CTNND2: variants seen among roughly 807,000 people sequenced by gnomAD.
CTNND2 encodes the protein catenin delta-2.
A neutral mutation model predicts 144.4 loss-of-function variants in CTNND2; 22 were observed. The observed-to-expected ratio is 0.15, with a 90% CI of 0.11 to 0.22. The LOEUF (loss-of-function observed/expected upper bound fraction) is 0.22. Among genes scored for constraint, CTNND2 ranks in the 10% least tolerant of loss-of-function variants. The probability of loss-of-function intolerance (pLI) is 1.00; values close to 1 mark genes in which losing one functional copy is unlikely to be tolerated. For synonymous variants in CTNND2, 751 were observed against 695.6 expected (o/e 1.08, Z -1.25); for missense variants, 1,353 against 1,618.8 (o/e 0.84, Z 2.82).
intron 3 of CTNND2, among the ~76,000 whole-genome samples, chr5:11,473,955 T>C (rs183230371): frequency 1.3e-5 from 2 of 152,362 alleles, no homozygotes; most frequent in African/African-American, 4.8e-5. Context: ...CCGCATCATC[T>C]TGTGACCATG....
chr5:11,566,166 C>G (rs1581512973), intron 2 of CTNND2, among the ~76,000 whole-genome samples: 1 of 152,122 alleles, frequency 6.6e-6, no homozygotes, highest in Admixed American at 6.5e-5. Context: ...TATCCTGGCT[C>G]TTTTCCATAG....
chr5:11,147,749 T>C lies in CTNND2; in HGVS notation c.2159+11827A>G, dbSNP rs1255748348. On this transcript the variant is annotated intron_variant, in intron 12 of 21. Coordinates refer to ENST00000304623, the MANE Select transcript of CTNND2 (RefSeq NM_001332.4). ...AAGAGAATAGGCCCAGATAATGTAATGGAGGTGAACATACAGAAAAAAAAG... is the reference window on the plus strand; with the variant it reads ...AAGAGAATAGGCCCAGATAATGTAACGGAGGTGAACATACAGAAAAAAAAG... 2.0e-5 allele frequency among the ~76,000 whole-genome samples: 3 copies of C among 151,026 alleles called. No individual in the cohort carries two copies. In the East Asian group the frequency reaches 5.8e-4, roughly 29 times the overall value.
intron 19 of CTNND2, among the ~76,000 whole-genome samples, chr5:10,989,443 A>G (rs931113682): frequency 6.6e-6 from 1 of 152,206 alleles, no homozygotes; most frequent in African/African-American, 2.4e-5. Flanking sequence ...GGGCTTCAGA[A>G]TCCATATTTA....
In CTNND2 at chr5:10,973,264, T is replaced by C; in HGVS notation, c.*189A>G. 1 of 595,786 alleles carries C rather than the reference T, an allele frequency of 1.7e-6. No homozygotes were observed. Among genetic ancestry groups the C allele is most frequent in the South Asian group, 3.3e-5 (1 of 30,460 alleles). The allele number at this position is 595,786 out of a possible 1,614,324, so 36.9% of individuals were successfully genotyped here. A position where few individuals can be genotyped will look rare whatever the true frequency, so the allele number is the denominator to read the frequency against. On this transcript the variant is annotated 3_prime_UTR_variant, in exon 22 of 22. Transcript: ENST00000304623. This position sits in a 1 kb window ranked among gnomAD's most constrained non-coding sequence, Gnocchi z 5.6. ...AGGATCACTTTAGCTTTCTACTGAT[T>C]TCCAAGTTAACTTGCGATTCATTTA... is the stretch of plus-strand genomic sequence containing the variant.
intron 1 of CTNND2, among the ~76,000 whole-genome samples, chr5:11,798,540 G>A (rs1047237141): frequency 2.0e-5 from 3 of 152,176 alleles, no homozygotes; most frequent in Admixed American, 6.5e-5. Flanking sequence ...AGGCCAAGGC[G>A]GACAGATCAT....
At chr5:11,744,923 A>G (rs1788228767) in intron 1 of CTNND2, among the ~76,000 whole-genome samples, 1 of 151,998 alleles carries the variant, frequency 6.6e-6, no homozygotes, top group South Asian at 2.1e-4. Flanking sequence ...TTTAGTAGAC[A>G]TGGGGTTTCA....
chr5:11,118,705 G>C (rs1446478594), intron 12 of CTNND2, among the ~76,000 whole-genome samples: 1 of 152,230 alleles, frequency 6.6e-6, no homozygotes, highest in African/African-American at 2.4e-5. Flanking sequence ...CAGTAAGCCT[G>C]GACGGAGTCT....
At chr5:11,774,086 A>C (rs948732190) in intron 1 of CTNND2, among the ~76,000 whole-genome samples, 2 of 152,182 alleles carry the variant, frequency 1.3e-5, no homozygotes, top group Non-Finnish European at 2.9e-5. Context: ...AAGGAAATTC[A>C]AGTAGTTGTT....
chr5:11,553,626 C>T (rs977874887), intron 3 of CTNND2, among the ~76,000 whole-genome samples: 5 of 152,030 alleles, frequency 3.3e-5, no homozygotes, highest in South Asian at 4.2e-4. Flanking sequence ...ATCATAAAAA[C>T]ATAACAATGA....
intron 9 of CTNND2, among the ~76,000 whole-genome samples, chr5:11,285,784 C>T (rs1231503959): frequency 2.1e-5 from 2 of 96,056 alleles, no homozygotes; most frequent in African/African-American, 7.9e-5. Context: ...GCCTTTCCTG[C>T]TACCCATAGG....
intron 3 of CTNND2, among the ~76,000 whole-genome samples, chr5:11,438,238 C>T (rs1231795014): frequency 6.6e-6 from 1 of 152,156 alleles, no homozygotes; most frequent in Non-Finnish European, 1.5e-5. Context: ...AATGCAGATT[C>T]AATTATATAT....
At chr5:11,711,562 C>T (rs1786035665) in intron 2 of CTNND2, among the ~76,000 whole-genome samples, 1 of 152,112 alleles carries the variant, frequency 6.6e-6, no homozygotes, top group Non-Finnish European at 1.5e-5. Flanking sequence ...TTTGTTATTA[C>T]TACATGTTAT....
intron 3 of CTNND2, among the ~76,000 whole-genome samples, chr5:11,493,475 C>T (rs1287453923): frequency 6.6e-6 from 1 of 152,226 alleles, no homozygotes; most frequent in Non-Finnish European, 1.5e-5. Flanking sequence ...GAGCTGTACA[C>T]TTCTGCCATT....
At chr5:11,079,749 G>A (rs1028399434) in intron 16 of CTNND2, among the ~76,000 whole-genome samples, 2 of 151,978 alleles carry the variant, frequency 1.3e-5, no homozygotes, top group African/African-American at 2.4e-5. Flanking sequence ...TCTTGACCTC[G>A]CATTGAAAAT....
rs61750359 is a variant in CTNND2, at chr5:11,024,455, C to T, written c.2789-1476G>A. Among the ~76,000 whole-genome samples, 10 of 152,264 alleles carry T rather than the reference C, an allele frequency of 6.6e-5. No homozygotes were observed. The East Asian group carries it at 1.4e-3, about 21-fold the overall frequency. ...TTAACTCTGGTTAAGAGTTTACTTT[C>T]GTAGGGCTCAGCATGCTGGAGATTC... is the stretch of plus-strand genomic sequence containing the variant. On this transcript the variant is annotated intron_variant, in intron 16 of 21. Transcript: ENST00000304623.
intron 3 of CTNND2, among the ~76,000 whole-genome samples, chr5:11,535,773 G>A (rs1353218055): frequency 3.3e-5 from 5 of 152,102 alleles, no homozygotes; most frequent in Non-Finnish European, 5.9e-5. Context: ...TATTCCCCCC[G>A]GTGTTACAAG....
intron 7 of CTNND2, among the ~76,000 whole-genome samples, chr5:11,375,230 A>G (rs1474010263): frequency 6.6e-6 from 1 of 152,148 alleles, no homozygotes; most frequent in African/African-American, 2.4e-5. Flanking sequence ...ACTTCTTTGT[A>G]TCTTTCACCA....
At position 10,988,151 on chromosome 5, in the gene CTNND2, T is replaced by C; in HGVS notation, c.3303A>G (p.Gly1101=). The C allele has an allele frequency of 6.2e-7, 1 of 1,614,202 alleles. No individual in the cohort carries two copies. The highest frequency in any genetic ancestry group is 8.5e-7 in the Non-Finnish European group (1 of 1,180,038). The change falls in exon 20 of 22, where the codon GGA becomes GGG. Residue 1101 remains glycine, a synonymous_variant. Coordinates refer to ENST00000304623, the MANE Select transcript of CTNND2 (RefSeq NM_001332.4). The surrounding 1 kb of genome is among the most constrained non-coding windows in gnomAD (Gnocchi z 5.9). ...ECTGSNATYH[G]AKGEHTSRKD... ...TCCTGGAAGTGTGTTCGCCTTTAGCTCCGTGGTAGGTGGCGTTGCTGCCGG... is the reference window on the plus strand; with the variant it reads ...TCCTGGAAGTGTGTTCGCCTTTAGCCCCGTGGTAGGTGGCGTTGCTGCCGG...
Position 11,199,668 on chromosome 5 carries a change from G to C in CTNND2, c.1762-7C>G. On this transcript the variant is annotated splice_polypyrimidine_tract_variant and splice_region_variant and intron_variant, in intron 10 of 21. Coordinates refer to ENST00000304623, the MANE Select transcript of CTNND2 (RefSeq NM_001332.4). ...TGCCTCCTTGTCTCCTTATCTGAAA[G>C]AGCAAAGGACACCACTTTTGCTTTA... The C allele has an allele frequency of 1.2e-6, 2 of 1,611,948 alleles. No homozygotes were observed. The highest frequency in any genetic ancestry group is 1.7e-6 in the Non-Finnish European group (2 of 1,178,558).
Sources: gnomAD v4.1 joint callset for allele counts (sites outside exome capture counted in the v4.1 genomes callset) on GRCh38, gnomAD v4.1.1 for gene constraint, Gnocchi (gnomAD v3.1) non-coding constraint, MANE v1.5 for transcripts, NCBI Gene and HGNC (gene_info 2026-07-23, HGNC 2026-07-21) for gene names.